The following PBX3 variants were observed in gnomAD, a reference collection of about 807,000 sequenced individuals.
The protein encoded by PBX3 is PBX homeobox 3.
Under a neutral mutation model 48.5 loss-of-function variants are expected in PBX3, and 14 were observed. That is an observed-to-expected ratio of 0.29 (90% CI 0.19 to 0.45). PBX3 has a LOEUF of 0.45. PBX3 is among the 20% of genes least tolerant of loss of function. The pLI, the probability that PBX3 is intolerant of heterozygous loss-of-function variation, is 1.00. For missense variants in PBX3, 386 were observed against 546.7 expected (o/e 0.71, Z 2.93); for synonymous variants, 210 against 200.3 (o/e 1.05, Z -0.41).
At chr9:125,869,914 G>A (rs969427678) in intron 2 of PBX3, among the ~76,000 whole-genome samples, 6 of 152,082 alleles carry the variant, frequency 3.9e-5, no homozygotes, top group Non-Finnish European at 8.8e-5. Flanking sequence ...CCCTTTTCAC[G>A]CTGCTGATAA....
At chr9:125,872,806 A>C (rs1017322556) in intron 2 of PBX3, among the ~76,000 whole-genome samples, 1 of 151,650 alleles carries the variant, frequency 6.6e-6, no homozygotes, top group African/African-American at 2.4e-5. Context: ...AGAGATAAAG[A>C]GGGACACTAT....
intron 2 of PBX3, among the ~76,000 whole-genome samples, chr9:125,793,364 A>ATATATATATAT (rs1263966407): frequency 1.5e-3 from 87 of 59,080 alleles, no homozygotes; most frequent in East Asian, 0.013. Context: ...GGGGAAAAAA[A>ATATATATATAT]AAATATATAT....
chr9:125,883,575 C>T (rs1840430195), intron 2 of PBX3, among the ~76,000 whole-genome samples: 1 of 151,928 alleles, frequency 6.6e-6, no homozygotes, highest in Non-Finnish European at 1.5e-5. Context: ...TGGTTTCCAT[C>T]CTAGTTGCGT....
intron 2 of PBX3, among the ~76,000 whole-genome samples, chr9:125,890,306 T>A (rs1165489913): frequency 6.6e-6 from 1 of 152,168 alleles, no homozygotes; most frequent in Non-Finnish European, 1.5e-5. Context: ...GTATGAAACA[T>A]CATCTGGGAG....
intron 2 of PBX3, among the ~76,000 whole-genome samples, chr9:125,887,621 G>C (rs552137417): frequency 1.1e-4 from 17 of 152,238 alleles, no homozygotes; most frequent in African/African-American, 3.8e-4. Flanking sequence ...GTGAGCTGCA[G>C]GTTTCACATC....
At chr9:125,748,384 G>A in intron 1 of PBX3, 166 bp from the exon 2 acceptor site, 2 of 1,354,232 alleles carry the variant, frequency 1.5e-6, no homozygotes, top group Non-Finnish European at 9.6e-7. Flanking sequence ...GGGGCTTGCT[G>A]GCTGTCGGGA....
intron 2 of PBX3, among the ~76,000 whole-genome samples, chr9:125,861,921 GA>G (rs1839871459): frequency 6.6e-6 from 1 of 152,150 alleles, no homozygotes; most frequent in African/African-American, 2.4e-5. Context: ...TGAATATACT[GA>G]AAACTATTGA....
intron 2 of PBX3, among the ~76,000 whole-genome samples, chr9:125,881,415 T>C (rs777252054): frequency 3.3e-5 from 5 of 152,196 alleles, no homozygotes; most frequent in Non-Finnish European, 5.9e-5. Context: ...GTATAGGAAT[T>C]AGTTGGTAAA....
chr9:125,891,626 G>C (rs1199995989), intron 2 of PBX3, among the ~76,000 whole-genome samples: 2 of 152,096 alleles, frequency 1.3e-5, no homozygotes, highest in African/African-American at 4.8e-5. Flanking sequence ...TCAAAAGTTT[G>C]TTTTCTTTTA....
intron 2 of PBX3, among the ~76,000 whole-genome samples, chr9:125,770,060 A>G (rs1836902457): frequency 6.6e-6 from 1 of 152,222 alleles, no homozygotes; most frequent in Non-Finnish European, 1.5e-5. Flanking sequence ...GTAAATGAAG[A>G]AGGCTTCTAC....
intron 2 of PBX3, among the ~76,000 whole-genome samples, chr9:125,832,305 C>A (rs1415049572): frequency 1.3e-5 from 2 of 151,972 alleles, no homozygotes; most frequent in Non-Finnish European, 2.9e-5. Flanking sequence ...ATGCCATTCT[C>A]CTGCCTCAGC....
chr9:125,874,618 C>A (rs1840205601), intron 2 of PBX3, among the ~76,000 whole-genome samples: 2 of 152,122 alleles, frequency 1.3e-5, no homozygotes, highest in African/African-American at 4.8e-5. Flanking sequence ...AATATGCATT[C>A]TTTTGAAGTG....
At chr9:125,920,690 G>C (rs1841438788) in intron 3 of PBX3, among the ~76,000 whole-genome samples, 1 of 152,172 alleles carries the variant, frequency 6.6e-6, no homozygotes, top group African/African-American at 2.4e-5. Flanking sequence ...CAAAAGTGTT[G>C]TAAGGGTCCC....
At chr9:125,814,976 C>T (rs1838415482) in intron 2 of PBX3, among the ~76,000 whole-genome samples, 1 of 152,202 alleles carries the variant, frequency 6.6e-6, no homozygotes, top group African/African-American at 2.4e-5. Context: ...TCATTTCTAA[C>T]TCATCTTTTA....
chr9:125,772,854 C>T (rs933382336), intron 2 of PBX3, among the ~76,000 whole-genome samples: 3 of 152,156 alleles, frequency 2.0e-5, no homozygotes, highest in Non-Finnish European at 2.9e-5. Context: ...TTGCTTCAGC[C>T]CAGGAGTTTG....
chr9:125,792,077 T>TATAA (rs568467335), intron 2 of PBX3, among the ~76,000 whole-genome samples: 1 of 146,060 alleles, frequency 6.8e-6, no homozygotes, highest in African/African-American at 2.6e-5. Flanking sequence ...CACGCACGCA[T>TATAA]ATAAATAAAT....
At position 125,864,771 on chromosome 9, in the gene PBX3, C is replaced by T. The variant is rs369280850; in HGVS notation, c.275-50915C>T. Among the ~76,000 whole-genome samples the T allele has an allele frequency of 2.0e-4, 31 of 152,262 alleles. 1 individual carries two copies. The South Asian group carries it at 3.1e-3, about 15-fold the overall frequency. On this transcript the variant is annotated intron_variant, in intron 2 of 8. Coordinates refer to ENST00000373489, the MANE Select transcript of PBX3 (RefSeq NM_006195.6). ...ACAGATAAAGCTTTGCTTGCTTGCC[C>T]GTCGCTCACCTCTTGCCATAGGGCC...
chr9:125,812,337 C>T (rs1004297472), intron 2 of PBX3, among the ~76,000 whole-genome samples: 49 of 152,320 alleles, frequency 3.2e-4, no homozygotes, highest in African/African-American at 1.1e-3. Context: ...CAGCCATGTA[C>T]TCATACTCAG....
chr9:125,859,356 C>T (rs2132284288), intron 2 of PBX3, among the ~76,000 whole-genome samples: 1 of 152,174 alleles, frequency 6.6e-6, no homozygotes. Context: ...CTTCTTTTGC[C>T]ATTGATATGC....
Sources: allele counts gnomAD v4.1 joint callset (sites outside exome capture counted in the v4.1 genomes callset), GRCh38; gene constraint gnomAD v4.1.1; transcripts MANE v1.5; gene names NCBI Gene and HGNC (gene_info 2026-07-23, HGNC 2026-07-21).